Variants in COL12A1 observed in about 807,000 individuals in gnomAD.
COL12A1 encodes the protein collagen type XII alpha 1 chain.
COL12A1 carries 114 observed loss-of-function variants against 349.7 expected under a neutral mutation model. The observed-to-expected ratio is 0.33, with a 90% CI of 0.28 to 0.38. The LOEUF is 0.38. Among genes scored for constraint, COL12A1 ranks in the 10% least tolerant of loss-of-function variants. The pLI is 1.00. For synonymous variants in COL12A1, 1,369 were observed against 1,329.0 expected (o/e 1.03, Z -0.66); for missense variants, 3,284 against 3,756.9 (o/e 0.87, Z 3.29).
At chr6:75,125,381 C>T (rs1765963248) in intron 39 of COL12A1, 108 bp from the exon 40 acceptor site, 1 of 1,034,348 alleles carries the variant, frequency 9.7e-7, no homozygotes, top group Admixed American at 2.9e-5. Context: ...ACGATTAATT[C>T]CATAGTCCTC....
intron 13 of COL12A1, among the ~76,000 whole-genome samples, chr6:75,169,712 T>C (rs1009464665): frequency 1.3e-5 from 2 of 152,200 alleles, no homozygotes; most frequent in African/African-American, 4.8e-5. Context: ...ATTCTGGCAA[T>C]CATTTCAAAC....
At chr6:75,117,129 G>T (rs1327043884) in intron 47 of COL12A1, among the ~76,000 whole-genome samples, 1 of 152,140 alleles carries the variant, frequency 6.6e-6, no homozygotes, top group Non-Finnish European at 1.5e-5. Flanking sequence ...AGGCATTGGG[G>T]TGGTGGGAAA....
chr6:75,156,637 C>G, intron 14 of COL12A1, 114 bp from the exon 15 acceptor site: 1 of 956,018 alleles, frequency 1.0e-6, no homozygotes, highest in South Asian at 1.7e-5. Flanking sequence ...GTACACTGTT[C>G]CATTGCTTAG....
intron 46 of COL12A1, chr6:75,117,821 C>T: frequency 3.1e-6 from 1 of 318,496 alleles, no homozygotes; most frequent in Non-Finnish European, 6.0e-6. Context: ...TCATGTGGTG[C>T]ACACTGCCTT....
intron 63 of COL12A1, 125 bp downstream of exon 63, chr6:75,089,985 G>T: frequency 1.0e-6 from 1 of 978,598 alleles, no homozygotes. Context: ...CTCTTCTGAG[G>T]CTGTCCAAAC....
At chr6:75,140,268 C>T (rs1766826722) in intron 27 of COL12A1, among the ~76,000 whole-genome samples, 1 of 152,142 alleles carries the variant, frequency 6.6e-6, no homozygotes, top group Non-Finnish European at 1.5e-5. Flanking sequence ...AAGGTAAGAA[C>T]TTAAGCCAGG....
At chr6:75,158,094 G>A (rs905563654) in intron 14 of COL12A1, among the ~76,000 whole-genome samples, 2 of 152,006 alleles carry the variant, frequency 1.3e-5, no homozygotes, top group African/African-American at 4.8e-5. Flanking sequence ...TCTAATAAAA[G>A]TTACAAGACA....
intron 27 of COL12A1, among the ~76,000 whole-genome samples, chr6:75,141,628 C>T (rs939391218): frequency 2.0e-5 from 3 of 152,176 alleles, no homozygotes; most frequent in Non-Finnish European, 4.4e-5. Context: ...GGCAAAGATG[C>T]TTATATTTTG....
intron 43 of COL12A1, among the ~76,000 whole-genome samples, chr6:75,121,652 T>C (rs114452908): frequency 0.011 from 1,682 of 152,284 alleles, 36 homozygotes; most frequent in African/African-American, 0.038. Flanking sequence ...ATGACTCACA[T>C]GCACAATAAA....
At chr6:75,142,782 A>G (rs544492771) in intron 26 of COL12A1, among the ~76,000 whole-genome samples, 1 of 152,322 alleles carries the variant, frequency 6.6e-6, no homozygotes, top group African/African-American at 2.4e-5. Flanking sequence ...AACTCCCAAA[A>G]GAACACTCCC....
At chr6:75,125,636 T>C (rs936012861) in intron 39 of COL12A1, among the ~76,000 whole-genome samples, 1 of 152,096 alleles carries the variant, frequency 6.6e-6, no homozygotes. Flanking sequence ...GTAGAGATAA[T>C]TTAAGAATTT....
In COL12A1 at chr6:75,131,936, T is replaced by G; in HGVS notation, c.5937+4A>C. 6.2e-7 allele frequency: 1 copy of G among 1,613,240 alleles called. No homozygotes were observed. The highest frequency in any genetic ancestry group is 8.5e-7 in the Non-Finnish European group (1 of 1,179,520). ...AATGCAGTTTCCATGACAAAATTAC[T>G]TACAGATTCTGAGGGTCTTGTGCCA... is the stretch of plus-strand genomic sequence containing the variant. On this transcript the variant is annotated splice_donor_region_variant and intron_variant, in intron 35 of 65. Transcript: ENST00000322507.
intron 10 of COL12A1, among the ~76,000 whole-genome samples, chr6:75,182,251 T>G (rs1027580535): frequency 5.6e-5 from 2 of 35,744 alleles, no homozygotes; most frequent in African/African-American, 1.2e-4. Flanking sequence ...GGGGTACATG[T>G]GCAGAACGTG....
chr6:75,131,913 T>A (rs1562183212), intron 35 of COL12A1, 27 bp downstream of exon 35: 6 of 1,612,140 alleles, frequency 3.7e-6, no homozygotes, highest in Middle Eastern at 1.7e-4. Context: ...CACCAGGAAA[T>A]GCAGTTTCCA....
At position 75,142,032 on chromosome 6, in the gene COL12A1, G is replaced by A. The variant is rs1766914970; in HGVS notation, c.4957C>T (p.Arg1653Ter). The change falls in exon 27 of 66, where the codon CGA (arginine) becomes TGA (stop). Residue 1653 changes from arginine (R) to a stop codon, truncating the protein, a stop_gained and splice_region_variant. Transcript: ENST00000322507. LOFTEE classifies it high-confidence loss of function. ...TCAGTGGAGCAGGAGCACAACTCAC[G>A]GGTAGTTTCTTGAGCAGTCACTGGA... ...SPPVTAQETT[R>*]PVPAPTNLKI... 3.7e-6 allele frequency: 6 copies of A among 1,613,876 alleles called. No individual in the cohort carries two copies. Among genetic ancestry groups the A allele is most frequent in the South Asian group, 1.1e-5 (1 of 91,074 alleles).
In COL12A1 at chr6:75,119,580, A is replaced by C. The variant is rs543001434; in HGVS notation, c.7087-107T>G. The C allele has an allele frequency of 5.5e-6, 7 of 1,271,102 alleles. No individual in the cohort carries two copies. The Admixed American group carries it at 1.2e-4, about 21-fold the overall frequency. 78.7% of individuals were successfully genotyped at this position (1,271,102 alleles called of 1,614,324 possible). A position where few individuals can be genotyped will look rare whatever the true frequency, so the allele number is the denominator to read the frequency against. ...ATAAAGCGGTGGGGGTGTAAAAAGT[A>C]TCTCAGACCTGATAGAATATTGTAA... On this transcript the variant is annotated intron_variant, in intron 44 of 65. Transcript: ENST00000322507.
rs748469725 is a variant in COL12A1 at position 75,109,073 on chromosome 6, G to C, written c.8045C>G (p.Thr2682Ser). The change falls in exon 52 of 66, where the codon ACT (threonine) becomes AGT (serine). Residue 2682 changes from threonine (T) to serine (S), a missense_variant. Transcript: ENST00000322507. The part of the protein sequence containing the change: ...KDIKEAGNIT[T>S]DGYEILGKLL... ...TTTTCCAAGAATTTCATAACCATCA[G>C]TTGTTATATTTCCAGCTTCCTTGAT... The C allele has an allele frequency of 6.2e-7, 1 of 1,612,254 alleles. No individual in the cohort carries two copies. The highest frequency in any genetic ancestry group is 2.2e-5 in the East Asian group (1 of 44,730).
chr6:75,128,284 CA>C lies in COL12A1; in HGVS notation c.6340+11del. The C allele has an allele frequency of 6.3e-7, 1 of 1,587,092 alleles. No individual in the cohort carries two copies. The highest frequency in any genetic ancestry group is 8.6e-7 in the Non-Finnish European group (1 of 1,168,750). ...CAAAGCAAAAATAAAAGGGGGAGTA[CA>C]AAACACTTACCAGTTCTTCCATTTC... On this transcript the variant is annotated intron_variant, in intron 38 of 65. Coordinates refer to ENST00000322507, the MANE Select transcript of COL12A1 (RefSeq NM_004370.6).
rs199786750 is a variant in COL12A1 at position 75,177,984 on chromosome 6, T to G, written c.2165-49A>C. ...ATTTTAAACCATAAATTGACTGACT[T>G]TATATGAAAAATACAAAAATTACCT... On this transcript the variant is annotated intron_variant, in intron 11 of 65. Coordinates refer to ENST00000322507, the MANE Select transcript of COL12A1 (RefSeq NM_004370.6). 7 of 1,518,518 alleles carry G rather than the reference T, an allele frequency of 4.6e-6. No individual in the cohort carries two copies. In the East Asian group the frequency reaches 1.6e-4, roughly 34 times the overall value. The allele number at this position is 1,518,518 out of a possible 1,614,324, so 94.1% of individuals were successfully genotyped here.
Sources: allele counts gnomAD v4.1 joint callset (sites outside exome capture counted in the v4.1 genomes callset), GRCh38; gene constraint gnomAD v4.1.1; transcripts MANE v1.5; gene names NCBI Gene and HGNC (gene_info 2026-07-23, HGNC 2026-07-21).